Variants in FHOD1 observed in about 807,000 individuals in gnomAD.
FHOD1 encodes the protein formin homology 2 domain containing 1, also known as FH1/FH2 domain-containing protein 1.
In FHOD1, 89 loss-of-function variants were observed where a neutral mutation model predicts 111.6. That is an observed-to-expected ratio of 0.80 (90% confidence interval 0.67 to 0.95). FHOD1 has a LOEUF of 0.95. Among genes scored for constraint, FHOD1 ranks in the 40% least tolerant of loss-of-function variants. The pLI, the probability that FHOD1 is intolerant of heterozygous loss-of-function variation, is 0.00. For missense variants in FHOD1, 1,446 were observed against 1,554.2 expected, an observed-to-expected ratio of 0.93 and a Z score of 1.17; for synonymous variants, 618 against 639.0, an observed-to-expected ratio of 0.97 and a Z score of 0.50.
chr16:67,238,146 G>A lies in FHOD1; in HGVS notation c.548-18C>T, dbSNP rs771548895. The A allele has an allele frequency of 6.2e-6, 10 of 1,614,194 alleles. No homozygotes were observed. The Middle Eastern group carries it at 8.2e-4, about 133-fold the overall frequency. On this transcript the variant is annotated intron_variant, in intron 5 of 21. Coordinates refer to ENST00000258201, the MANE Select transcript of FHOD1 (RefSeq NM_013241.3). The surrounding 1 kb of genome is among the most constrained non-coding windows in gnomAD (Gnocchi z 4.2). The stretch of plus-strand genomic sequence containing the variant: ...GCCGAGCGCTGGGGAAACAGGGATG[G>A]GCAGAGTCAGCGAGGGTCGCTGGAG...
intron 1 of FHOD1, among the ~76,000 whole-genome samples, chr16:67,243,588 C>T (rs1034817478): frequency 6.6e-5 from 10 of 152,136 alleles, no homozygotes; most frequent in African/African-American, 2.4e-4. Context: ...AAAATCAGCG[C>T]ATTGCCCCAG....
chr16:67,247,131 C>G (rs2034885610), intron 1 of FHOD1, 79 bp downstream of exon 1: 3 of 1,403,252 alleles, frequency 2.1e-6, no homozygotes, highest in Non-Finnish European at 2.8e-6. Flanking sequence ...AGCCTCTTCC[C>G]GCGGAGCACC....
intron 1 of FHOD1, among the ~76,000 whole-genome samples, chr16:67,240,399 G>C (rs1479647548): frequency 3.3e-5 from 5 of 152,198 alleles, no homozygotes; most frequent in Non-Finnish European, 7.3e-5. Context: ...GATGGCGGGT[G>C]CCTGTAATCC....
rs2034165077 is a variant in FHOD1 at position 67,229,602 on chromosome 16, C to T, written c.*34G>A. On this transcript the variant is annotated 3_prime_UTR_variant, in exon 22 of 22. Transcript: ENST00000258201. ...CTCTGTCATCTCCTGCACTGCAGTC[C>T]AGGGTCCAGATAGATTTCCGGGATA... The T allele has an allele frequency of 6.3e-7, 1 of 1,593,028 alleles. No individual in the cohort carries two copies. The highest frequency in any genetic ancestry group is 1.7e-5 in the Admixed American group (1 of 59,958).
At chr16:67,235,743 T>C (rs2034452910) in intron 11 of FHOD1, among the ~76,000 whole-genome samples, 1 of 152,174 alleles carries the variant, frequency 6.6e-6, no homozygotes, top group African/African-American at 2.4e-5. Flanking sequence ...GCTTCTGAGC[T>C]GAAGACTTGG....
Position 67,238,851 on chromosome 16 carries a change from C to T in FHOD1, c.373+52G>A. ...CAGCACAGGCCTGAAGGTGAGCCAA[C>T]TGGGCTATGGGGAGGAGGTGCTGCT... is the stretch of plus-strand genomic sequence containing the variant. On this transcript the variant is annotated intron_variant, in intron 3 of 21. Transcript: ENST00000258201. This position sits in a 1 kb window ranked among gnomAD's most constrained non-coding sequence, Gnocchi z 4.2. 2 of 1,582,266 alleles carry T rather than the reference C, an allele frequency of 1.3e-6. No individual in the cohort carries two copies. The highest frequency in any genetic ancestry group is 1.1e-5 in the South Asian group (1 of 90,452).
Position 67,236,744 on chromosome 16 carries a change from G to T in FHOD1, c.1143-11C>A. On this transcript the variant is annotated splice_polypyrimidine_tract_variant and intron_variant, in intron 10 of 21. Coordinates refer to ENST00000258201, the MANE Select transcript of FHOD1 (RefSeq NM_013241.3). ...GCGGGGCCTGTGGGGCTGAAAGCAG[G>T]GGCTGTCAGTGGGGCGGGGCCTGAG... 6.5e-7 allele frequency: 1 copy of T among 1,527,232 alleles called. No homozygotes were observed. 94.6% of individuals were successfully genotyped at this position (1,527,232 alleles called of 1,614,324 possible).
intron 1 of FHOD1, among the ~76,000 whole-genome samples, chr16:67,240,006 G>A (rs1351261895): frequency 1.3e-5 from 2 of 152,196 alleles, no homozygotes; most frequent in African/African-American, 2.4e-5. Flanking sequence ...TAGTCACAAA[G>A]CATTAAGCCC....
intron 1 of FHOD1, among the ~76,000 whole-genome samples, chr16:67,245,248 A>G (rs1268205800): frequency 6.6e-6 from 1 of 152,104 alleles, no homozygotes. Context: ...AATCGGGGAG[A>G]CCAGGAAGGA....
Position 67,229,664 on chromosome 16 carries a change from A to G in FHOD1, c.3467T>C (p.Leu1156Pro), listed in dbSNP as rs2034168631. ...LGDDLVQALGLSKGPGLEV is the reference protein window; with the variant it reads ...LGDDLVQALGPSKGPGLEV ...CACCTCCAGGCCAGGACCCTTGCTT[A>G]GTCCCAGTGCCTGCACCAGGTCATC... The change falls in exon 22 of 22, where the codon CTA becomes CCA. Residue 1156 changes from leucine to proline, a missense_variant. By Grantham distance (98) the Leu-to-Pro change is moderately conservative. This residue lies in a region of FHOD1 where 1,085 missense variants were observed against 1,108.8 expected (regional missense o/e 0.98). Transcript: ENST00000258201. 6.2e-7 allele frequency: 1 copy of G among 1,614,016 alleles called. No homozygotes were observed. The highest frequency in any genetic ancestry group is 1.7e-5 in the Admixed American group (1 of 60,004).
chr16:67,235,216 G>A (rs1401876021), intron 11 of FHOD1, among the ~76,000 whole-genome samples: 2 of 152,162 alleles, frequency 1.3e-5, no homozygotes, highest in African/African-American at 4.8e-5. Context: ...TAGCTTCTGG[G>A]AGCCTATGCC....
intron 1 of FHOD1, among the ~76,000 whole-genome samples, chr16:67,240,485 T>C (rs1210016214): frequency 6.6e-6 from 1 of 152,174 alleles, no homozygotes; most frequent in African/African-American, 2.4e-5. Context: ...GCCGAGATCA[T>C]GTCATTGCAC....
Position 67,230,654 on chromosome 16 carries a change from C to T in FHOD1, c.2805G>A (p.Gln935=). ...LRARLTHFLD[Q]CARRVAMLRI... is the part of the protein sequence containing the mutation. ...TTAGCATGGCAACACGGCGGGCACA[C>T]TGGTCCAGGAAGTGGGTGAGGCGGG... Residue 935 remains glutamine, a synonymous_variant, in exon 18 of 22, where the codon CAG becomes CAA. Transcript: ENST00000258201. 1 of 1,614,060 alleles carries T rather than the reference C, an allele frequency of 6.2e-7. No homozygotes were observed. The highest frequency in any genetic ancestry group is 1.3e-5 in the African/African-American group (1 of 75,076).
At position 67,231,445 on chromosome 16, in the gene FHOD1, G is replaced by C; in HGVS notation, c.2490C>G (p.Phe830Leu). 6.2e-7 allele frequency: 1 copy of C among 1,614,162 alleles called. No homozygotes were observed. Among genetic ancestry groups the C allele is most frequent in the Non-Finnish European group, 8.5e-7 (1 of 1,180,016 alleles). Reference sequence around the variant, plus strand: ...TCTCACTCACCTGGGAGCCATTGAGGAAGTTGCCCACCGCTAGGAGGGTAG... The same window carrying C: ...TCTCACTCACCTGGGAGCCATTGAGCAAGTTGCCCACCGCTAGGAGGGTAG... ...ILATLLAVGN[F>L]LNGSQSSGFE... Residue 830 changes from phenylalanine to leucine, a missense_variant, in exon 16 of 22, where the codon TTC (phenylalanine) becomes TTG (leucine). By Grantham distance (22) the Phe-to-Leu change is conservative. This residue lies in a region of FHOD1 where 1,085 missense variants were observed against 1,108.8 expected (regional missense o/e 0.98). Transcript: ENST00000258201. This position sits in a 1 kb window ranked among gnomAD's most constrained non-coding sequence, Gnocchi z 4.3.
At chr16:67,232,742 C>T (rs1310484266) in intron 13 of FHOD1, among the ~76,000 whole-genome samples, 7 of 152,080 alleles carry the variant, frequency 4.6e-5, no homozygotes, top group Admixed American at 4.6e-4. Flanking sequence ...CCCACTGCAG[C>T]TTATCTTCTG....
chr16:67,230,084 G>A lies in FHOD1; in HGVS notation c.3196C>T (p.His1066Tyr). 6.2e-7 allele frequency: 1 copy of A among 1,614,174 alleles called. No individual in the cohort carries two copies. Among genetic ancestry groups the A allele is most frequent in the Non-Finnish European group, 8.5e-7 (1 of 1,180,018 alleles). ...GCCTCACCTCTGCTGCGGCGATTGTGTGTGGTGTCCTCAGGCCTGCTGGTC... is the reference window on the plus strand; with the variant it reads ...GCCTCACCTCTGCTGCGGCGATTGTATGTGGTGTCCTCAGGCCTGCTGGTC... ...LLTSRPEDTT[H>Y]NRRSRGMVQS... The change falls in exon 20 of 22, where the codon CAC (histidine) becomes TAC (tyrosine). Residue 1066 changes from histidine (H) to tyrosine (Y), a missense_variant. His to Tyr is a moderately conservative substitution (Grantham distance 83). This residue lies in a region of FHOD1 where 1,085 missense variants were observed against 1,108.8 expected (regional missense o/e 0.98). Coordinates refer to ENST00000258201, the MANE Select transcript of FHOD1 (RefSeq NM_013241.3).
intron 1 of FHOD1, among the ~76,000 whole-genome samples, chr16:67,244,622 T>C (rs1008242385): frequency 1.3e-5 from 2 of 152,002 alleles, no homozygotes; most frequent in Admixed American, 1.3e-4. Flanking sequence ...CAATGGGGTG[T>C]GTGGGTGGAG....
rs1369814018 is a variant in FHOD1, at chr16:67,229,888, T to C, written c.3317A>G (p.Glu1106Gly). 6.2e-7 allele frequency: 1 copy of C among 1,614,086 alleles called. No homozygotes were observed. Among genetic ancestry groups the C allele is most frequent in the African/African-American group, 1.3e-5 (1 of 74,926 alleles). ...TGACTGCACCAGAAGGTCCATGATC[T>C]CATCTGATGTATCACTGGGTAAACT... Reference protein sequence around the residue: ...GSSLPSDTSDEIMDLLVQSVT... With the variant: ...GSSLPSDTSDGIMDLLVQSVT... The change falls in exon 21 of 22, where the codon GAG (glutamate) becomes GGG (glycine). Residue 1106 changes from glutamate (E) to glycine (G), a missense_variant. Physicochemically the swap from Glu to Gly is moderately conservative, Grantham distance 98 (BLOSUM62 -2). Around this residue, in one of 3 missense-constraint regions of FHOD1, gnomAD observed 1,085 missense variants for 1,108.8 expected, o/e 0.98. Coordinates refer to ENST00000258201, the MANE Select transcript of FHOD1 (RefSeq NM_013241.3).
chr16:67,233,628 G>T, intron 13 of FHOD1, 29 bp downstream of exon 13: 1 of 1,557,972 alleles, frequency 6.4e-7, no homozygotes, highest in South Asian at 1.2e-5. Flanking sequence ...TGCCTCCCTT[G>T]GGGCTACCTT....
Sources: allele counts gnomAD v4.1 joint callset (sites outside exome capture counted in the v4.1 genomes callset), GRCh38; gene constraint gnomAD v4.1.1; regional missense constraint gnomAD v4.1.1; non-coding constraint Gnocchi (gnomAD v3.1); transcripts MANE v1.5; gene names NCBI Gene and HGNC (gene_info 2026-07-23, HGNC 2026-07-21).